Variants in PTPRD observed in about 807,000 individuals in gnomAD.
PTPRD encodes the protein protein tyrosine phosphatase receptor type D.
Under a neutral mutation model 214.5 loss-of-function variants are expected in PTPRD, and 34 were observed. That is an observed-to-expected ratio of 0.16 (90% CI 0.12 to 0.21). The LOEUF (loss-of-function observed/expected upper bound fraction) is 0.21. Among genes scored for constraint, PTPRD ranks in the 10% least tolerant of loss-of-function variants. The probability of loss-of-function intolerance (pLI) is 1.00; values close to 1 mark genes in which losing one functional copy is unlikely to be tolerated. For synonymous variants in PTPRD, 1,128 were observed against 845.7 expected, an observed-to-expected ratio of 1.33 and a Z score of -5.79; for missense variants, 2,545 against 2,398.7, an observed-to-expected ratio of 1.06 and a Z score of -1.27.
chr9:9,770,657 A>G (rs994404643), intron 5 of PTPRD, among the ~76,000 whole-genome samples: 2 of 152,066 alleles, frequency 1.3e-5, no homozygotes, highest in Non-Finnish European at 2.9e-5. Context: ...ATGTTTTCTT[A>G]ATATTGATTT....
At chr9:8,669,040 G>A (rs571337581) in intron 12 of PTPRD, among the ~76,000 whole-genome samples, 84 of 152,234 alleles carry the variant, frequency 5.5e-4, no homozygotes, top group African/African-American at 1.8e-3. Flanking sequence ...AGCGGAGAGA[G>A]AGAAGACTCA....
intron 11 of PTPRD, among the ~76,000 whole-genome samples, chr9:8,928,590 C>G (rs201975830): frequency 5.3e-5 from 2 of 37,646 alleles, no homozygotes; most frequent in Admixed American, 2.8e-4. Context: ...GTTGGTTACT[C>G]TAGCCTTGTA....
intron 3 of PTPRD, among the ~76,000 whole-genome samples, chr9:10,143,044 T>C (rs2098997466): frequency 6.6e-6 from 1 of 151,924 alleles, no homozygotes; most frequent in African/African-American, 2.4e-5. Flanking sequence ...AAACACCGCA[T>C]ATTGTCACTC....
intron 12 of PTPRD, among the ~76,000 whole-genome samples, chr9:8,725,808 G>T (rs973431748): frequency 6.6e-6 from 1 of 152,100 alleles, no homozygotes; most frequent in Non-Finnish European, 1.5e-5. Context: ...AGCAGAAGCA[G>T]GACTTGAACA....
intron 39 of PTPRD, among the ~76,000 whole-genome samples, chr9:8,358,964 C>G (rs1263087870): frequency 6.7e-6 from 1 of 149,930 alleles, no homozygotes; most frequent in East Asian, 2.0e-4. Context: ...AAAAATTAGC[C>G]GGGCGTGGTG....
chr9:9,751,195 A>G (rs901747751), intron 6 of PTPRD, among the ~76,000 whole-genome samples: 1 of 152,122 alleles, frequency 6.6e-6, no homozygotes, highest in Non-Finnish European at 1.5e-5. Flanking sequence ...TATTTTTACA[A>G]GAGTATCCCA....
At position 8,340,408 on chromosome 9, in the gene PTPRD, G is replaced by A. The variant is rs775122610; in HGVS notation, c.5188C>T (p.Arg1730Trp). Reference protein sequence around the residue: ...PLAETTEDFWRMLWEHNSTIV... With the variant: ...PLAETTEDFWWMLWEHNSTIV... ...GTGGAATTGTGTTCCCAGAGCATCC[G>A]CCAGAAGTCTTCAGTGGTCTCTGCC... Residue 1730 changes from arginine (R) to tryptophan (W), a missense_variant, in exon 42 of 46, where the codon CGG becomes TGG. Arg to Trp is a moderately radical substitution (Grantham distance 101). Coordinates refer to ENST00000381196, the MANE Select transcript of PTPRD (RefSeq NM_002839.4). The A allele has an allele frequency of 6.2e-6, 10 of 1,610,016 alleles. No homozygotes were observed. The highest frequency in any genetic ancestry group is 1.7e-5 in the Admixed American group (1 of 59,826).
intron 3 of PTPRD, among the ~76,000 whole-genome samples, chr9:10,300,346 C>T (rs1158753880): frequency 6.6e-6 from 1 of 152,080 alleles, no homozygotes. Context: ...TTTGGGCAGA[C>T]ACTGAGCTAG....
chr9:9,276,474 G>C (rs1405818476), intron 9 of PTPRD, among the ~76,000 whole-genome samples: 1 of 151,264 alleles, frequency 6.6e-6, no homozygotes, highest in Middle Eastern at 3.2e-3. Flanking sequence ...TTGGCAATTA[G>C]ATGGCAATGG....
chr9:9,670,649 C>A (rs2096811369), intron 7 of PTPRD, among the ~76,000 whole-genome samples: 1 of 152,162 alleles, frequency 6.6e-6, no homozygotes, highest in South Asian at 2.1e-4. Context: ...AGACTTGGTG[C>A]CCTGCGTCCC....
Position 8,948,466 on chromosome 9 carries a change from TACA to T in PTPRD, c.-104+70228_-104+70230del, listed in dbSNP as rs1307076541. Among the ~76,000 whole-genome samples, 39 of 7,166 alleles carry T rather than the reference TACA, an allele frequency of 5.4e-3. 2 individuals are homozygous for T. Among genetic ancestry groups the T allele is most frequent in the East Asian group, 0.042 (1 of 24 alleles). 4.7% of individuals were successfully genotyped at this position (7,166 alleles called of 152,430 possible). On this transcript the variant is annotated intron_variant, in intron 11 of 45. Coordinates refer to ENST00000381196, the MANE Select transcript of PTPRD (RefSeq NM_002839.4). ...ATATATATATATTTATATATATATT[TACA>T]TATATATATATTTATATATATATTT...
At chr9:9,438,996 A>T (rs1451836314) in intron 8 of PTPRD, among the ~76,000 whole-genome samples, 1 of 152,156 alleles carries the variant, frequency 6.6e-6, no homozygotes, top group East Asian at 1.9e-4. Context: ...TATATGAAAT[A>T]ATACACTCAA....
chr9:8,725,641 T>C (rs890326150), intron 12 of PTPRD, among the ~76,000 whole-genome samples: 2 of 152,308 alleles, frequency 1.3e-5, no homozygotes, highest in Admixed American at 1.3e-4. Context: ...TAACAACATT[T>C]AGTGAATATT....
chr9:8,939,251 T>C (rs1021447889), intron 11 of PTPRD, among the ~76,000 whole-genome samples: 3 of 152,166 alleles, frequency 2.0e-5, no homozygotes, highest in Non-Finnish European at 4.4e-5. Context: ...TGATGTTTAT[T>C]TGAACAGCTC....
intron 23 of PTPRD, 72 bp downstream of exon 23, chr9:8,504,189 G>A: frequency 6.7e-7 from 1 of 1,499,836 alleles, no homozygotes. Context: ...TTGCTTATTG[G>A]TGAAGGTGAA....
chr9:8,321,697 G>C (rs964420702), intron 44 of PTPRD, among the ~76,000 whole-genome samples: 13 of 151,366 alleles, frequency 8.6e-5, no homozygotes, highest in Admixed American at 8.6e-4. Flanking sequence ...TTTCCTTAGA[G>C]ATTATTTTAG....
rs3048790 is a variant in PTPRD at position 9,400,092 on chromosome 9, G to GT, written c.-236-2611dup. ...AGTGTGGACCTAACTTTACCTACTA[G>GT]TTTTTTTTTTTTTTTTTTGGACTGG... On this transcript the variant is annotated intron_variant, in intron 8 of 45. Coordinates refer to ENST00000381196, the MANE Select transcript of PTPRD (RefSeq NM_002839.4). Among the ~76,000 whole-genome samples, 388 of 101,074 alleles carry GT rather than the reference G, an allele frequency of 3.8e-3. 9 individuals carry two copies. The highest frequency in any genetic ancestry group is 0.022 in the East Asian group (84 of 3,852). 66.3% of individuals were successfully genotyped at this position (101,074 alleles called of 152,430 possible). A position where few individuals can be genotyped will look rare whatever the true frequency, so the allele number is the denominator to read the frequency against.
chr9:9,514,139 G>T (rs2096778375), intron 8 of PTPRD, among the ~76,000 whole-genome samples: 1 of 151,920 alleles, frequency 6.6e-6, no homozygotes, highest in Non-Finnish European at 1.5e-5. Flanking sequence ...TTGGCCTTTT[G>T]GTGGATGACA....
intron 35 of PTPRD, among the ~76,000 whole-genome samples, chr9:8,410,327 C>T (rs191984461): frequency 6.6e-6 from 1 of 152,274 alleles, no homozygotes; most frequent in East Asian, 1.9e-4. Context: ...ATCTGGAAGT[C>T]AGAGAACAGG....
Sources: gnomAD v4.1 joint callset for allele counts (sites outside exome capture counted in the v4.1 genomes callset) on GRCh38, gnomAD v4.1.1 for gene constraint, MANE v1.5 for transcripts, NCBI Gene and HGNC (gene_info 2026-07-23, HGNC 2026-07-21) for gene names.